LRFN5: variants seen among roughly 807,000 people sequenced by gnomAD.
LRFN5 encodes leucine rich repeat and fibronectin type III domain containing 5.
LRFN5 carries 24 observed loss-of-function variants against 45.6 expected under a neutral mutation model. The observed-to-expected ratio is 0.53, with a 90% CI of 0.38 to 0.74. The LOEUF (loss-of-function observed/expected upper bound fraction) is 0.74. Ranked by LOEUF, LRFN5 falls within the 30% of genes least tolerant of loss-of-function variation. The pLI, the probability that LRFN5 is intolerant of heterozygous loss-of-function variation, is 0.00. For synonymous variants in LRFN5, 340 were observed against 313.8 expected (o/e 1.08, Z -0.88); for missense variants, 776 against 861.5 (o/e 0.90, Z 1.24).
At chr14:41,752,249 G>A (rs1374933656) in intron 1 of LRFN5, among the ~76,000 whole-genome samples, 1 of 152,168 alleles carries the variant, frequency 6.6e-6, no homozygotes, top group African/African-American at 2.4e-5. Context: ...CTTTATAGCA[G>A]CATGTTTTAT....
At chr14:41,803,097 AG>A (rs1169394273) in intron 2 of LRFN5, among the ~76,000 whole-genome samples, 4 of 152,182 alleles carry the variant, frequency 2.6e-5, no homozygotes, top group Non-Finnish European at 5.9e-5. Flanking sequence ...AGTACTATAA[AG>A]ATATTAGTGG....
At chr14:41,739,289 G>A (rs752299340) in intron 1 of LRFN5, among the ~76,000 whole-genome samples, 17 of 152,098 alleles carry the variant, frequency 1.1e-4, no homozygotes, top group Non-Finnish European at 1.8e-4. Context: ...GGAGGGTGGC[G>A]TGGGAAGATT....
intron 1 of LRFN5, among the ~76,000 whole-genome samples, chr14:41,741,032 A>T (rs1159600425): frequency 6.6e-6 from 1 of 151,710 alleles, no homozygotes; most frequent in African/African-American, 2.4e-5. Context: ...GAGGTGAATG[A>T]TTGACTATGA....
At chr14:41,874,830 A>G (rs911846866) in intron 2 of LRFN5, among the ~76,000 whole-genome samples, 3 of 152,200 alleles carry the variant, frequency 2.0e-5, no homozygotes, top group African/African-American at 4.8e-5. Context: ...GGAACTTACA[A>G]TCATTGTGAA....
Position 41,891,895 on chromosome 14 carries a change from G to A in LRFN5, c.2031G>A (p.Gln677=). The change falls in exon 4 of 6, where the codon CAG becomes CAA. Residue 677 remains glutamine (Q), a synonymous_variant. Coordinates refer to ENST00000298119, the MANE Select transcript of LRFN5 (RefSeq NM_152447.5). The part of the protein sequence containing the change: ...NTNRNNSTAL[Q]LASRPPDSVT... ...ACAGGAACAACTCAACTGCCTTGCA[G>A]TTAGCTAGCCGTCCTCCCGATTCTG... is the stretch of plus-strand genomic sequence containing the variant. The A allele has an allele frequency of 6.2e-7, 1 of 1,614,164 alleles. No individual in the cohort carries two copies. Among genetic ancestry groups the A allele is most frequent in the Non-Finnish European group, 8.5e-7 (1 of 1,180,032 alleles).
chr14:41,778,758 G>A (rs945889477), intron 2 of LRFN5, among the ~76,000 whole-genome samples: 7 of 151,672 alleles, frequency 4.6e-5, no homozygotes, highest in Non-Finnish European at 7.4e-5. Flanking sequence ...ACTAAGCTAC[G>A]TAATAACCAT....
intron 2 of LRFN5, among the ~76,000 whole-genome samples, chr14:41,835,420 T>C (rs749757770): frequency 6.6e-6 from 1 of 152,248 alleles, no homozygotes; most frequent in Non-Finnish European, 1.5e-5. Context: ...TTTGAGCAGA[T>C]GCTTATGTTT....
chr14:41,756,123 G>C (rs36145751), intron 1 of LRFN5, among the ~76,000 whole-genome samples: 42,361 of 152,080 alleles, frequency 0.28, 6,207 homozygotes, highest in South Asian at 0.43. Context: ...TAGAGTATCT[G>C]CCGAGAGATC....
At chr14:41,612,649 C>T (rs555727321) in intron 1 of LRFN5, among the ~76,000 whole-genome samples, 1 of 152,108 alleles carries the variant, frequency 6.6e-6, no homozygotes, top group Non-Finnish European at 1.5e-5. Context: ...GCAGAGCCCA[C>T]ATTTTTATTC....
intron 1 of LRFN5, among the ~76,000 whole-genome samples, chr14:41,757,095 G>A (rs1377935624): frequency 2.0e-5 from 3 of 152,194 alleles, no homozygotes; most frequent in African/African-American, 7.2e-5. Flanking sequence ...AGCAAATGTT[G>A]CTGCCTGATC....
intron 1 of LRFN5, among the ~76,000 whole-genome samples, chr14:41,658,996 C>T (rs1221655115): frequency 6.6e-6 from 1 of 151,602 alleles, no homozygotes; most frequent in East Asian, 1.9e-4. Context: ...TTTTCTTAGC[C>T]CCTAAAATTT....
chr14:41,814,228 C>A (rs1005904862), intron 2 of LRFN5, among the ~76,000 whole-genome samples: 1 of 152,084 alleles, frequency 6.6e-6, no homozygotes, highest in Non-Finnish European at 1.5e-5. Flanking sequence ...GTCATGAATT[C>A]TTTGCTTATG....
intron 2 of LRFN5, among the ~76,000 whole-genome samples, chr14:41,770,089 T>C (rs1207679803): frequency 6.6e-6 from 1 of 151,978 alleles, no homozygotes; most frequent in Non-Finnish European, 1.5e-5. Flanking sequence ...GGAGAGAAAG[T>C]GGGGAGGTGC....
chr14:41,740,103 A>G (rs1884627851), intron 1 of LRFN5, among the ~76,000 whole-genome samples: 1 of 152,112 alleles, frequency 6.6e-6, no homozygotes, highest in African/African-American at 2.4e-5. Context: ...CCTCACTGCC[A>G]ATTCTACCAA....
intron 1 of LRFN5, among the ~76,000 whole-genome samples, chr14:41,672,688 T>G (rs1881291684): frequency 6.6e-6 from 1 of 152,224 alleles, no homozygotes. Flanking sequence ...TACATGAAAC[T>G]CATTGAATCT....
At chr14:41,827,142 A>C (rs1888326760) in intron 2 of LRFN5, among the ~76,000 whole-genome samples, 2 of 152,144 alleles carry the variant, frequency 1.3e-5, no homozygotes. Context: ...AATTAAGATT[A>C]ATATCAAGTG....
rs1472969733 is a variant in LRFN5, at chr14:41,904,168, T to TA, written c.2155dup (p.Ile719AsnfsTer17). On this transcript the variant is annotated frameshift_variant, in exon 6 of 6. Transcript: ENST00000298119. LOFTEE classifies it high-confidence loss of function. ...TTTCTTTCATTTCAGAGGCTGGAGT[T>TA]AATCTGAAGAGCACCACTTCTCCTC... 4 of 1,606,918 alleles carry TA rather than the reference T, an allele frequency of 2.5e-6. No homozygotes were observed. In the East Asian group the frequency reaches 8.9e-5, roughly 36 times the overall value.
At chr14:41,764,233 T>C (rs1375641793) in intron 1 of LRFN5, among the ~76,000 whole-genome samples, 2 of 152,154 alleles carry the variant, frequency 1.3e-5, no homozygotes, top group East Asian at 3.9e-4. Flanking sequence ...TAGCCCTAGG[T>C]GAGAGTCCTC....
chr14:41,846,838 G>C (rs567386992), intron 2 of LRFN5, among the ~76,000 whole-genome samples: 29 of 152,216 alleles, frequency 1.9e-4, no homozygotes, highest in Admixed American at 3.9e-4. Context: ...CTTGCTGGCT[G>C]TCAGGTCAGG....
Sources: allele counts gnomAD v4.1 joint callset (sites outside exome capture counted in the v4.1 genomes callset), GRCh38; gene constraint gnomAD v4.1.1; transcripts MANE v1.5; gene names NCBI Gene and HGNC (gene_info 2026-07-23, HGNC 2026-07-21).